The following TNR variants were observed in gnomAD, a reference collection of about 807,000 sequenced individuals.
TNR encodes the protein tenascin-R.
TNR carries 45 observed loss-of-function variants against 150.4 expected under a neutral mutation model. The ratio of observed to expected loss-of-function variants is 0.30; its 90% CI spans 0.24 to 0.38. The LOEUF (loss-of-function observed/expected upper bound fraction) is 0.38, where lower values mean the gene tolerates loss of function less well. Among genes scored for constraint, TNR ranks in the 10% least tolerant of loss-of-function variants. The pLI is 1.00. For missense variants in TNR, 1,544 were observed against 1,759.1 expected (o/e 0.88, Z 2.19); for synonymous variants, 687 against 678.4 (o/e 1.01, Z -0.20).
At chr1:175,723,422 A>G (rs1667372188) in intron 1 of TNR, among the ~76,000 whole-genome samples, 1 of 152,052 alleles carries the variant, frequency 6.6e-6, no homozygotes, top group African/African-American at 2.4e-5. Context: ...GATTCACTAC[A>G]CTCCAGGGAC....
chr1:175,717,725 A>G (rs891995969), intron 1 of TNR, among the ~76,000 whole-genome samples: 2 of 152,176 alleles, frequency 1.3e-5, no homozygotes, highest in Non-Finnish European at 2.9e-5. Context: ...TACCCTAGTC[A>G]AAGGCCCTTG....
intron 1 of TNR, among the ~76,000 whole-genome samples, chr1:175,698,796 G>C (rs1374753617): frequency 6.6e-6 from 1 of 151,870 alleles, no homozygotes; most frequent in Non-Finnish European, 1.5e-5. Flanking sequence ...GATCACGCCT[G>C]GGCAATAAAA....
chr1:175,699,667 G>C (rs1048130116), intron 1 of TNR, among the ~76,000 whole-genome samples: 1 of 152,148 alleles, frequency 6.6e-6, no homozygotes, highest in Non-Finnish European at 1.5e-5. Context: ...TGGGGATACA[G>C]AGGAGTAAGC....
intron 9 of TNR, among the ~76,000 whole-genome samples, chr1:175,369,309 A>G (rs1398208126): frequency 1.3e-5 from 2 of 152,158 alleles, no homozygotes; most frequent in Non-Finnish European, 2.9e-5. Flanking sequence ...TCCGAAATCA[A>G]GGTGTCGCCA....
intron 1 of TNR, among the ~76,000 whole-genome samples, chr1:175,695,103 A>G (rs1287608001): frequency 6.7e-6 from 1 of 150,330 alleles, no homozygotes; most frequent in African/African-American, 2.4e-5. Flanking sequence ...CTCCCCTCTA[A>G]GAAGTAGAAC....
chr1:175,601,176 A>C (rs1195624394), intron 1 of TNR, among the ~76,000 whole-genome samples: 2 of 152,222 alleles, frequency 1.3e-5, no homozygotes, highest in Admixed American at 1.3e-4. Context: ...TCCAGTAGCT[A>C]TACCTCTCAG....
chr1:175,723,944 A>G (rs937374812), intron 1 of TNR, among the ~76,000 whole-genome samples: 3 of 152,126 alleles, frequency 2.0e-5, no homozygotes, highest in East Asian at 1.9e-4. Flanking sequence ...TATAAAGTAT[A>G]TGTTTATACA....
chr1:175,514,070 C>A (rs577332095), intron 2 of TNR, among the ~76,000 whole-genome samples: 1 of 152,138 alleles, frequency 6.6e-6, no homozygotes, highest in Non-Finnish European at 1.5e-5. Context: ...ACATCCATAC[C>A]TTAGTCTCTG....
intron 1 of TNR, among the ~76,000 whole-genome samples, chr1:175,717,314 T>C (rs1426650003): frequency 6.6e-6 from 1 of 152,102 alleles, no homozygotes; most frequent in Non-Finnish European, 1.5e-5. Context: ...GGGACAAGGG[T>C]TGAAAAACTA....
In TNR at chr1:175,330,997, G is replaced by GATTC. The variant is rs1351856244; in HGVS notation, c.3632-766_3632-763dup. 4.0e-3 allele frequency among the ~76,000 whole-genome samples: 399 copies of GATTC among 100,400 alleles called. 6 individuals carry two copies. The highest frequency in any genetic ancestry group is 0.011 in the East Asian group (31 of 2,856). The allele number at this position is 100,400 out of a possible 152,430, so 65.9% of individuals were successfully genotyped here. On this transcript the variant is annotated intron_variant, in intron 20 of 22. Coordinates refer to ENST00000367674, the MANE Select transcript of TNR (RefSeq NM_003285.3). The stretch of plus-strand genomic sequence containing the variant: ...AGGCAGAGTCCAGATCCCTCTTGGT[G>GATTC]ATTCTTTCTTTCTTTCTTTCTTTCT...
intron 12 of TNR, 77 bp downstream of exon 12, chr1:175,364,931 CTT>C: frequency 6.7e-7 from 1 of 1,503,366 alleles, no homozygotes. Flanking sequence ...GGGTCTTTCT[CTT>C]TTAAAATTTC....
intron 1 of TNR, among the ~76,000 whole-genome samples, chr1:175,551,190 T>A (rs1660923395): frequency 6.6e-6 from 1 of 152,224 alleles, no homozygotes. Flanking sequence ...CTGAATGGCA[T>A]CTGACTTCCA....
intron 1 of TNR, among the ~76,000 whole-genome samples, chr1:175,540,916 C>A (rs1447763519): frequency 6.6e-6 from 1 of 152,052 alleles, no homozygotes; most frequent in African/African-American, 2.4e-5. Context: ...GCCCAAGGCC[C>A]ATTACAACCT....
chr1:175,574,055 G>A (rs1332718821), intron 1 of TNR, among the ~76,000 whole-genome samples: 3 of 152,156 alleles, frequency 2.0e-5, no homozygotes, highest in Non-Finnish European at 4.4e-5. Flanking sequence ...GTCTTGAAGA[G>A]GAAGATGAGA....
At chr1:175,619,690 G>C (rs1186793972) in intron 1 of TNR, among the ~76,000 whole-genome samples, 1 of 152,202 alleles carries the variant, frequency 6.6e-6, no homozygotes, top group Non-Finnish European at 1.5e-5. Flanking sequence ...GAGATGTTGT[G>C]ACACTTGTTC....
chr1:175,605,843 G>T (rs1236127896), intron 1 of TNR, among the ~76,000 whole-genome samples: 1 of 152,004 alleles, frequency 6.6e-6, no homozygotes, highest in African/African-American at 2.4e-5. Flanking sequence ...TTTCCTCCCT[G>T]CCTGGTTGTC....
intron 1 of TNR, among the ~76,000 whole-genome samples, chr1:175,606,028 C>T (rs1256006703): frequency 1.3e-5 from 2 of 152,238 alleles, no homozygotes; most frequent in African/African-American, 4.8e-5. Context: ...GCCATTTGCG[C>T]ACTCTTTCCT....
intron 1 of TNR, among the ~76,000 whole-genome samples, chr1:175,620,580 C>A (rs557410472): frequency 1.3e-5 from 2 of 152,112 alleles, no homozygotes; most frequent in Non-Finnish European, 2.9e-5. Context: ...CAGCAGGAGG[C>A]AGAGAGAAAA....
At chr1:175,381,499 G>T (rs1652679173) in intron 8 of TNR, among the ~76,000 whole-genome samples, 1 of 152,214 alleles carries the variant, frequency 6.6e-6, no homozygotes, top group Non-Finnish European at 1.5e-5. Flanking sequence ...GATCCTGAAA[G>T]AAGTCAATCC....
Sources: allele counts gnomAD v4.1 joint callset (sites outside exome capture counted in the v4.1 genomes callset), GRCh38; gene constraint gnomAD v4.1.1; transcripts MANE v1.5; gene names NCBI Gene and HGNC (gene_info 2026-07-23, HGNC 2026-07-21).